The following DYM variants were observed in gnomAD, a reference collection of about 807,000 sequenced individuals.
DYM encodes dyggve-Melchior-Clausen syndrome protein.
In DYM, 78 loss-of-function variants were observed where a neutral mutation model predicts 93.1. The ratio of observed to expected loss-of-function variants is 0.84; its 90% CI spans 0.70 to 1.01. The LOEUF (loss-of-function observed/expected upper bound fraction) is 1.01, where lower values mean the gene tolerates loss of function less well. DYM is among the 50% of genes least tolerant of loss of function. The probability of loss-of-function intolerance (pLI) is 0.00; values close to 1 mark genes in which losing one functional copy is unlikely to be tolerated. For missense variants in DYM, 789 were observed against 845.0 expected (o/e 0.93, Z 0.82); for synonymous variants, 321 against 319.7 (o/e 1.00, Z -0.04).
At chr18:49,286,705 T>C in intron 8 of DYM, 89 bp from the exon 9 acceptor site, 4 of 1,287,156 alleles carry the variant, frequency 3.1e-6, no homozygotes, top group Non-Finnish European at 4.4e-6. Flanking sequence ...TAATACAATA[T>C]GGTAATGAGC....
At chr18:49,261,713 T>TA (rs928100964) in intron 11 of DYM, among the ~76,000 whole-genome samples, 26 of 152,214 alleles carry the variant, frequency 1.7e-4, no homozygotes, top group Non-Finnish European at 3.1e-4. Context: ...TCAACTCTTT[T>TA]AAAAAAATTA....
Position 49,441,282 on chromosome 18 carries a change from AAT to A in DYM, c.-53-10837_-53-10836del, listed in dbSNP as rs1226618739. Among the ~76,000 whole-genome samples, 124 of 34,114 alleles carry A rather than the reference AAT, an allele frequency of 3.6e-3. 2 individuals carry two copies. The highest frequency in any genetic ancestry group is 6.3e-3 in the South Asian group (8 of 1,270). The allele number at this position is 34,114 out of a possible 152,430, so 22.4% of individuals were successfully genotyped here. A position where few individuals can be genotyped will look rare whatever the true frequency, so the allele number is the denominator to read the frequency against. On this transcript the variant is annotated intron_variant, in intron 1 of 17. Transcript: ENST00000675505. ...TATAATTATATAATATATATTATAT[AAT>A]TATATATAATATAATTATATATAAT...
Position 49,453,216 on chromosome 18 carries a change from C to G in DYM, c.-54+7182G>C, listed in dbSNP as rs1024520342. ...GGGGGGACTTGGAGAACTTTTGTGT[C>G]GAGCTCAGGGATTGTACACGCACCA... is the stretch of plus-strand genomic sequence containing the variant. On this transcript the variant is annotated intron_variant, in intron 1 of 17. Transcript: ENST00000675505. Among the ~76,000 whole-genome samples the G allele has an allele frequency of 4.0e-5, 6 of 148,500 alleles. 2 individuals are homozygous for G. Among genetic ancestry groups the G allele is most frequent in the Non-Finnish European group, 5.9e-5 (4 of 67,240 alleles).
intron 8 of DYM, among the ~76,000 whole-genome samples, chr18:49,308,198 C>G (rs533524783): frequency 6.6e-6 from 1 of 151,988 alleles, no homozygotes; most frequent in South Asian, 2.1e-4. Flanking sequence ...AGAATTATAG[C>G]TAAACTTACT....
intron 14 of DYM, among the ~76,000 whole-genome samples, chr18:49,188,892 A>G (rs2145637916): frequency 6.6e-6 from 1 of 152,356 alleles, no homozygotes; most frequent in South Asian, 2.1e-4. Context: ...TGTTTATCAC[A>G]GCACTATTTA....
intron 1 of DYM, 95 bp from the exon 2 acceptor site, chr18:49,430,542 C>A (rs892638179): frequency 1.1e-5 from 10 of 945,012 alleles, no homozygotes; most frequent in Non-Finnish European, 1.4e-5. Context: ...AAGAAAATCA[C>A]ACATTTCTGT....
intron 16 of DYM, among the ~76,000 whole-genome samples, chr18:49,116,803 A>G (rs539773899): frequency 6.6e-6 from 1 of 152,340 alleles, no homozygotes; most frequent in African/African-American, 2.4e-5. Flanking sequence ...AAAATAATCT[A>G]TCCCATAAAA....
intron 14 of DYM, among the ~76,000 whole-genome samples, chr18:49,165,377 C>T (rs2087735101): frequency 6.6e-6 from 1 of 152,050 alleles, no homozygotes. Context: ...ATTCTGATTC[C>T]ATGTACTTCC....
At chr18:49,073,431 A>T (rs2077048993) in intron 17 of DYM, among the ~76,000 whole-genome samples, 1 of 152,004 alleles carries the variant, frequency 6.6e-6, no homozygotes, top group Non-Finnish European at 1.5e-5. Flanking sequence ...AGAAAACACA[A>T]ACAATACCAC....
chr18:49,087,007 AAAT>A (rs1035317500), intron 17 of DYM, among the ~76,000 whole-genome samples: 1 of 152,008 alleles, frequency 6.6e-6, no homozygotes, highest in African/African-American at 2.4e-5. Context: ...AATAAAAAAA[AAAT>A]ACATAAAAAT....
At chr18:49,210,998 A>G (rs2092756040) in intron 13 of DYM, among the ~76,000 whole-genome samples, 2 of 152,240 alleles carry the variant, frequency 1.3e-5, no homozygotes, top group Admixed American at 1.3e-4. Flanking sequence ...TGTTCCTGGC[A>G]AGTAGGCAAT....
At chr18:49,326,706 G>A (rs2062904306) in intron 8 of DYM, among the ~76,000 whole-genome samples, 1 of 152,072 alleles carries the variant, frequency 6.6e-6, no homozygotes, top group South Asian at 2.1e-4. Context: ...TAGCAGAGTG[G>A]TTACAAGAAT....
chr18:49,254,011 T>G (rs1379841119), intron 13 of DYM, among the ~76,000 whole-genome samples: 1 of 152,112 alleles, frequency 6.6e-6, no homozygotes, highest in Non-Finnish European at 1.5e-5. Context: ...CTGGTTATTT[T>G]CTACATATAA....
At chr18:49,262,611 T>C (rs2094507603) in intron 11 of DYM, among the ~76,000 whole-genome samples, 1 of 152,238 alleles carries the variant, frequency 6.6e-6, no homozygotes, top group South Asian at 2.1e-4. Context: ...CTGATAGTAC[T>C]AGTTCTTTTT....
At chr18:49,299,669 T>C (rs1396888951) in intron 8 of DYM, among the ~76,000 whole-genome samples, 1 of 152,208 alleles carries the variant, frequency 6.6e-6, no homozygotes. Context: ...GCACAATCTT[T>C]TGTATTACAT....
At chr18:49,094,670 C>T (rs1374994734) in intron 17 of DYM, among the ~76,000 whole-genome samples, 1 of 152,156 alleles carries the variant, frequency 6.6e-6, no homozygotes, top group Admixed American at 6.5e-5. Context: ...TTTTAGAAGG[C>T]TATGTCAAAT....
intron 15 of DYM, among the ~76,000 whole-genome samples, chr18:49,123,958 C>T (rs907322166): frequency 3.3e-5 from 5 of 152,154 alleles, no homozygotes; most frequent in African/African-American, 1.2e-4. Context: ...ATTTTATGTT[C>T]ATGTATATTT....
chr18:49,418,120 C>G (rs1190773088), intron 2 of DYM: 1 of 149,532 alleles, frequency 6.7e-6, no homozygotes, highest in Non-Finnish European at 1.5e-5. Flanking sequence ...ATATATCCAG[C>G]TAACTATTAT....
chr18:49,316,225 T>C (rs2061928027), intron 8 of DYM, among the ~76,000 whole-genome samples: 1 of 152,124 alleles, frequency 6.6e-6, no homozygotes, highest in Non-Finnish European at 1.5e-5. Flanking sequence ...GAGGTTGCAG[T>C]GAGCCAAGAT....
Sources: allele counts gnomAD v4.1 joint callset (sites outside exome capture counted in the v4.1 genomes callset), GRCh38; gene constraint gnomAD v4.1.1; transcripts MANE v1.5; gene names NCBI Gene and HGNC (gene_info 2026-07-23, HGNC 2026-07-21).